The following SMIM41 variants were observed in gnomAD, a reference collection of about 807,000 sequenced individuals.
The protein encoded by SMIM41 is small integral membrane protein 41.
chr12:52,097,297 G>C (rs556579774), intron 2 of SMIM41, among the ~76,000 whole-genome samples: 3 of 151,670 alleles, frequency 2.0e-5, no homozygotes, highest in African/African-American at 7.3e-5. Flanking sequence ...TGGATATTAC[G>C]ATACACATCG....
chr12:52,095,466 G>A (rs1364803470), intron 2 of SMIM41, among the ~76,000 whole-genome samples: 1 of 152,106 alleles, frequency 6.6e-6, no homozygotes, highest in Non-Finnish European at 1.5e-5. Context: ...TCACAGATGG[G>A]TGTATATCCT....
chr12:52,105,481 G>C (rs147185545), intron 2 of SMIM41, among the ~76,000 whole-genome samples: 4,964 of 152,296 alleles, frequency 0.033, 205 homozygotes, highest in East Asian at 0.16. Context: ...AGCTGGGCGC[G>C]GTGGCTCACG....
intron 2 of SMIM41, among the ~76,000 whole-genome samples, chr12:52,103,072 T>G (rs1940251997): frequency 6.6e-6 from 1 of 152,160 alleles, no homozygotes; most frequent in African/African-American, 2.4e-5. Flanking sequence ...ATGCCTGTAA[T>G]CCCAGCATCT....
At chr12:52,091,283 C>G (rs1308335268) in intron 2 of SMIM41, among the ~76,000 whole-genome samples, 1 of 152,222 alleles carries the variant, frequency 6.6e-6, no homozygotes, top group African/African-American at 2.4e-5. Context: ...GAGCTGTCCT[C>G]AGCCTGAGCC....
chr12:52,084,373 C>CAA (rs1221772416), intron 2 of SMIM41, among the ~76,000 whole-genome samples: 2 of 78,018 alleles, frequency 2.6e-5, no homozygotes, highest in Admixed American at 1.4e-4. Flanking sequence ...ACATCAACCA[C>CAA]AAAAAAAAAA....
chr12:52,100,459 C>CTT (rs560412492), intron 2 of SMIM41, among the ~76,000 whole-genome samples: 3 of 143,772 alleles, frequency 2.1e-5, no homozygotes, highest in African/African-American at 2.5e-5. Flanking sequence ...TATTTTCTTT[C>CTT]TTTTTTTTTT....
At chr12:52,100,548 C>T (rs1158826745) in intron 2 of SMIM41, among the ~76,000 whole-genome samples, 1 of 151,980 alleles carries the variant, frequency 6.6e-6, no homozygotes, top group East Asian at 1.9e-4. Context: ...CCTCTGCCTC[C>T]CGTATTCAAG....
intron 2 of SMIM41, among the ~76,000 whole-genome samples, chr12:52,086,596 G>C (rs114721826): frequency 6.6e-6 from 1 of 152,188 alleles, no homozygotes; most frequent in Non-Finnish European, 1.5e-5. Context: ...CCAAGAGGCC[G>C]AGGCTGCAGC....
rs1939853191 is a variant in SMIM41 at position 52,083,906 on chromosome 12, G to A, written c.*133G>A. 1.3e-5 allele frequency: 2 copies of A among 152,202 alleles called. No homozygotes were observed. The highest frequency in any genetic ancestry group is 1.3e-4 in the Admixed American group (2 of 15,282). 9.4% of individuals were successfully genotyped at this position (152,202 alleles called of 1,614,324 possible). ...TGACCATTCCTAGAGAGGAGAAGAA[G>A]AGAAGAGGAGAGGAGAGAAGAGAAG... On this transcript the variant is annotated 3_prime_UTR_variant, in exon 2 of 3. Coordinates refer to ENST00000546390, the MANE Select transcript of SMIM41 (RefSeq NM_001369216.1).
intron 2 of SMIM41, among the ~76,000 whole-genome samples, chr12:52,086,613 C>T (rs1247363213): frequency 6.6e-6 from 1 of 152,184 alleles, no homozygotes; most frequent in Non-Finnish European, 1.5e-5. Flanking sequence ...CAGCCGCACG[C>T]CCACGCCCAC....
chr12:52,099,330 A>G (rs1025596944), intron 2 of SMIM41, among the ~76,000 whole-genome samples: 8 of 151,258 alleles, frequency 5.3e-5, no homozygotes, highest in African/African-American at 1.2e-4. Context: ...ATTAGAAGTA[A>G]TATCACGGGT....
At chr12:52,093,804 G>A (rs1940043272) in intron 2 of SMIM41, among the ~76,000 whole-genome samples, 1 of 152,098 alleles carries the variant, frequency 6.6e-6, no homozygotes, top group South Asian at 2.1e-4. Context: ...TTATTCAATT[G>A]GATTATCATT....
At chr12:52,099,506 C>T (rs1450568761) in intron 2 of SMIM41, among the ~76,000 whole-genome samples, 1 of 151,958 alleles carries the variant, frequency 6.6e-6, no homozygotes, top group African/African-American at 2.4e-5. Flanking sequence ...GGAACAGTAT[C>T]ACGGGGTGGG....
intron 2 of SMIM41, among the ~76,000 whole-genome samples, chr12:52,100,622 A>ATTTTTTTTTTTTTTTTTTTTTTT (rs1173057236): frequency 9.0e-6 from 1 of 111,128 alleles, no homozygotes. Context: ...GCGCCCAGCT[A>ATTTTTTTTTTTTTTTTTTTTTTT]TTTTTTTTTT....
At chr12:52,095,386 C>T (rs561434580) in intron 2 of SMIM41, among the ~76,000 whole-genome samples, 3 of 152,070 alleles carry the variant, frequency 2.0e-5, no homozygotes, top group Non-Finnish European at 2.9e-5. Context: ...TTATGATCCA[C>T]GGTGGTCCCA....
intron 2 of SMIM41, among the ~76,000 whole-genome samples, chr12:52,106,211 C>T (rs2120735587): frequency 6.6e-6 from 1 of 152,254 alleles, no homozygotes; most frequent in South Asian, 2.1e-4. Flanking sequence ...GTTTCTGACT[C>T]CCCAGAGCCT....
At chr12:52,082,494 A>G (rs1459292920) in intron 1 of SMIM41, among the ~76,000 whole-genome samples, 1 of 152,144 alleles carries the variant, frequency 6.6e-6, no homozygotes, top group Non-Finnish European at 1.5e-5. Flanking sequence ...TTGCTGTGGA[A>G]TTCTGACCCT....
intron 2 of SMIM41, among the ~76,000 whole-genome samples, chr12:52,106,798 C>T (rs1476784013): frequency 1.3e-5 from 2 of 148,752 alleles, no homozygotes; most frequent in African/African-American, 2.6e-5. Flanking sequence ...GGACCTAACT[C>T]GCATGTGGAA....
intron 1 of SMIM41, among the ~76,000 whole-genome samples, chr12:52,083,664 C>T (rs905775157): frequency 6.6e-6 from 1 of 152,226 alleles, no homozygotes; most frequent in African/African-American, 2.4e-5. Flanking sequence ...CATCAGAGTC[C>T]AGCCTGAGCC....
Sources: gnomAD v4.1 joint callset for allele counts (sites outside exome capture counted in the v4.1 genomes callset) on GRCh38, gnomAD v4.1.1 for gene constraint, MANE v1.5 for transcripts, NCBI Gene and HGNC (gene_info 2026-07-23, HGNC 2026-07-21) for gene names.